SENP6: variants seen among roughly 807,000 people sequenced by gnomAD.
SENP6 encodes the protein SUMO specific peptidase 6, also known as sentrin-specific protease 6.
A neutral mutation model predicts 134.5 loss-of-function variants in SENP6; 41 were observed. The ratio of observed to expected loss-of-function variants is 0.30; its 90% CI spans 0.24 to 0.40. The LOEUF (loss-of-function observed/expected upper bound fraction) is 0.40, where lower values mean the gene tolerates loss of function less well. Ranked by LOEUF, SENP6 falls within the 10% of genes least tolerant of loss-of-function variation. The probability of loss-of-function intolerance (pLI) is 1.00; values close to 1 mark genes in which losing one functional copy is unlikely to be tolerated. For missense variants in SENP6, 1,248 were observed against 1,312.5 expected (o/e 0.95, Z 0.76); for synonymous variants, 395 against 429.8 (o/e 0.92, Z 1.00).
intron 11 of SENP6, among the ~76,000 whole-genome samples, chr6:75,674,889 C>T (rs925617556): frequency 6.6e-6 from 1 of 152,174 alleles, no homozygotes; most frequent in Admixed American, 6.5e-5. Context: ...TTCCATATAT[C>T]TATTCATCCC....
chr6:75,687,269 A>G (rs934954164), intron 16 of SENP6, among the ~76,000 whole-genome samples: 6 of 152,060 alleles, frequency 3.9e-5, no homozygotes, highest in African/African-American at 1.5e-4. Context: ...GGTCTTCTCT[A>G]CACTCTTTAT....
At chr6:75,676,193 A>G (rs1773074122) in intron 13 of SENP6, 139 bp downstream of exon 13, 2 of 513,372 alleles carry the variant, frequency 3.9e-6, no homozygotes, top group Non-Finnish European at 6.5e-6. Context: ...ACCTTGTGAA[A>G]TAGATATTAC....
intron 16 of SENP6, among the ~76,000 whole-genome samples, chr6:75,687,643 C>T (rs1417696148): frequency 3.3e-5 from 5 of 152,146 alleles, no homozygotes; most frequent in Admixed American, 2.6e-4. Flanking sequence ...GATGCTATTC[C>T]TTTCTGTTTT....
intron 16 of SENP6, among the ~76,000 whole-genome samples, chr6:75,692,625 C>T (rs565123305): frequency 4.2e-4 from 64 of 151,964 alleles, no homozygotes; most frequent in African/African-American, 1.4e-3. Flanking sequence ...GACTTTATCT[C>T]AAAGAAATAA....
At chr6:75,605,677 A>T in intron 1 of SENP6, among the ~76,000 whole-genome samples, 1 of 152,196 alleles carries the variant, frequency 6.6e-6, no homozygotes, top group Non-Finnish European at 1.5e-5. Context: ...GGAGAGAGTG[A>T]TATGAGAGGC....
At chr6:75,613,082 C>T (rs1767582353) in intron 1 of SENP6, among the ~76,000 whole-genome samples, 1 of 151,640 alleles carries the variant, frequency 6.6e-6, no homozygotes, top group Non-Finnish European at 1.5e-5. Context: ...CCACTGCACT[C>T]CAGCCTGCGT....
At chr6:75,663,551 A>G (rs1771940110) in intron 9 of SENP6, 33 bp downstream of exon 9, 2 of 1,508,908 alleles carry the variant, frequency 1.3e-6, no homozygotes, top group Admixed American at 4.0e-5. Context: ...TATTGCTTAT[A>G]TCAATCCAGT....
chr6:75,654,549 A>G (rs756300169), intron 7 of SENP6, among the ~76,000 whole-genome samples: 10 of 152,254 alleles, frequency 6.6e-5, no homozygotes, highest in Non-Finnish European at 1.0e-4. Context: ...TGATAGATAC[A>G]TGACTTTAGT....
intron 6 of SENP6, among the ~76,000 whole-genome samples, chr6:75,645,910 C>T (rs1770400665): frequency 6.6e-6 from 1 of 152,114 alleles, no homozygotes. Context: ...TGTTACAATA[C>T]TTGGTAAGAT....
chr6:75,667,082 T>C (rs550969535), intron 10 of SENP6, 141 bp downstream of exon 10: 7 of 472,362 alleles, frequency 1.5e-5, no homozygotes, highest in Non-Finnish European at 2.3e-5. Flanking sequence ...GGGAGATTAT[T>C]TGGAAGAACA....
At position 75,711,410 on chromosome 6, in the gene SENP6, G is replaced by A; in HGVS notation, c.2903G>A (p.Cys968Tyr). ...CAGTGGCATTTAAAGCCTACTATCT[G>A]TAAACAGTAAGCATTAACTGTGTAT... ...IGQWHLKPTI[C>Y]KQPCILLMDS... The change falls in exon 21 of 24, where the codon TGT (cysteine) becomes TAT (tyrosine). Residue 968 changes from cysteine to tyrosine, a missense_variant. Physicochemically the swap from Cys to Tyr is radical, Grantham distance 194. Transcript: ENST00000447266. The A allele has an allele frequency of 6.2e-7, 1 of 1,603,302 alleles. No homozygotes were observed. The highest frequency in any genetic ancestry group is 1.1e-5 in the South Asian group (1 of 90,298).
At chr6:75,711,440 A>G in intron 21 of SENP6, 24 bp downstream of exon 21, 1 of 1,466,006 alleles carries the variant, frequency 6.8e-7, no homozygotes, top group East Asian at 2.3e-5. Context: ...GTGTATCTTG[A>G]AAACTACATA....
At chr6:75,661,881 G>A (rs567322166) in intron 8 of SENP6, among the ~76,000 whole-genome samples, 7 of 151,892 alleles carry the variant, frequency 4.6e-5, no homozygotes, top group African/African-American at 7.3e-5. Flanking sequence ...GTGAAATCCC[G>A]TCTCTACTAA....
intron 1 of SENP6, among the ~76,000 whole-genome samples, chr6:75,612,324 C>G (rs918547995): frequency 6.6e-6 from 1 of 152,160 alleles, no homozygotes; most frequent in Non-Finnish European, 1.5e-5. Flanking sequence ...ATTTAATTCT[C>G]TCTATATTTT....
intron 1 of SENP6, among the ~76,000 whole-genome samples, chr6:75,619,472 T>C (rs1768102347): frequency 6.7e-6 from 1 of 148,728 alleles, no homozygotes; most frequent in Non-Finnish European, 1.5e-5. Flanking sequence ...TGTGTGTGTG[T>C]GTACATATGT....
At chr6:75,602,608 G>T in intron 1 of SENP6, 32 bp downstream of exon 1, 1 of 1,546,720 alleles carries the variant, frequency 6.5e-7, no homozygotes, top group Non-Finnish European at 8.8e-7. Flanking sequence ...ACGGGGAGAA[G>T]GGAGGGTATA....
At chr6:75,701,082 T>TACTA (rs1774992520) in intron 18 of SENP6, among the ~76,000 whole-genome samples, 1 of 152,342 alleles carries the variant, frequency 6.6e-6, no homozygotes, top group Admixed American at 6.5e-5. Flanking sequence ...TGTTTCTTAG[T>TACTA]ACTAACTTGG....
chr6:75,642,266 T>C (rs539694381), intron 6 of SENP6, among the ~76,000 whole-genome samples: 4 of 152,352 alleles, frequency 2.6e-5, no homozygotes, highest in Admixed American at 1.3e-4. Flanking sequence ...TACATTCTTA[T>C]GGGACAAAGA....
At chr6:75,690,153 C>T (rs1774137014) in intron 16 of SENP6, among the ~76,000 whole-genome samples, 1 of 152,014 alleles carries the variant, frequency 6.6e-6, no homozygotes, top group Non-Finnish European at 1.5e-5. Flanking sequence ...TCAAGCAGTC[C>T]TCCTACCTTG....
Sources: allele counts gnomAD v4.1 joint callset (sites outside exome capture counted in the v4.1 genomes callset), GRCh38; gene constraint gnomAD v4.1.1; transcripts MANE v1.5; gene names NCBI Gene and HGNC (gene_info 2026-07-23, HGNC 2026-07-21).